Variants in PPP3CB observed in about 807,000 individuals in gnomAD.
PPP3CB encodes serine/threonine-protein phosphatase 2B catalytic subunit beta isoform.
A neutral mutation model predicts 66.4 loss-of-function variants in PPP3CB; 8 were observed. The observed-to-expected ratio is 0.12, with a 90% CI of 0.07 to 0.22. The LOEUF (loss-of-function observed/expected upper bound fraction) is 0.22, where lower values mean the gene tolerates loss of function less well. PPP3CB is among the 10% of genes least tolerant of loss of function. The probability of loss-of-function intolerance (pLI) is 1.00; values close to 1 mark genes in which losing one functional copy is unlikely to be tolerated. For synonymous variants in PPP3CB, 208 were observed against 221.2 expected, an observed-to-expected ratio of 0.94 and a Z score of 0.53; for missense variants, 319 against 642.5, an observed-to-expected ratio of 0.50 and a Z score of 5.44.
chr10:73,461,717 T>C (rs941197698), intron 9 of PPP3CB, among the ~76,000 whole-genome samples: 11 of 152,164 alleles, frequency 7.2e-5, no homozygotes, highest in African/African-American at 9.7e-5. Context: ...TGGGGAACCA[T>C]TGGCAGGAGA....
chr10:73,484,018 T>G (rs557873484), intron 1 of PPP3CB, among the ~76,000 whole-genome samples: 1 of 151,974 alleles, frequency 6.6e-6, no homozygotes, highest in East Asian at 2.0e-4. Flanking sequence ...GTGTCGCGCC[T>G]GTAGTCCCAG....
At chr10:73,441,226 C>T (rs1199305368) in intron 12 of PPP3CB, among the ~76,000 whole-genome samples, 2 of 152,178 alleles carry the variant, frequency 1.3e-5, no homozygotes, top group Non-Finnish European at 2.9e-5. Context: ...CTTAACCAGA[C>T]AGTAAAGTGA....
intron 1 of PPP3CB, among the ~76,000 whole-genome samples, chr10:73,485,360 TCTTA>T (rs2056954595): frequency 6.6e-6 from 1 of 152,148 alleles, no homozygotes; most frequent in Non-Finnish European, 1.5e-5. Flanking sequence ...ACAGAGATCT[TCTTA>T]CTGTTTCTAC....
At chr10:73,462,494 G>A (rs1202009574) in intron 9 of PPP3CB, among the ~76,000 whole-genome samples, 2 of 152,088 alleles carry the variant, frequency 1.3e-5, no homozygotes, top group African/African-American at 4.8e-5. Context: ...AAAATCTCCA[G>A]CAGCACTCTG....
At chr10:73,467,447 G>A in intron 9 of PPP3CB, 106 bp downstream of exon 9, 1 of 910,628 alleles carries the variant, frequency 1.1e-6, no homozygotes, top group Non-Finnish European at 1.5e-6. Context: ...TGTAACCACA[G>A]TGAAACTAGA....
intron 12 of PPP3CB, chr10:73,443,920 G>A (rs1013109048): frequency 3.3e-5 from 5 of 152,220 alleles, no homozygotes; most frequent in Non-Finnish European, 7.3e-5. Flanking sequence ...TTACATTCAT[G>A]TTCAGAATGC....
At chr10:73,488,046 G>T (rs551099536) in intron 1 of PPP3CB, among the ~76,000 whole-genome samples, 7 of 151,982 alleles carry the variant, frequency 4.6e-5, no homozygotes, top group African/African-American at 1.7e-4. Flanking sequence ...CTCCCAAAGT[G>T]CTGGGGTTAG....
intron 4 of PPP3CB, among the ~76,000 whole-genome samples, chr10:73,473,394 C>T (rs1453949026): frequency 2.0e-5 from 3 of 152,114 alleles, no homozygotes; most frequent in Non-Finnish European, 4.4e-5. Flanking sequence ...TGGTTCACAC[C>T]TGTAATCCCA....
chr10:73,459,243 C>A (rs777660232), intron 9 of PPP3CB, among the ~76,000 whole-genome samples: 7 of 152,156 alleles, frequency 4.6e-5, no homozygotes, highest in Non-Finnish European at 8.8e-5. Flanking sequence ...AATCCCAGCA[C>A]TTTGGGAGGC....
At chr10:73,446,756 C>T (rs1045454555) in intron 10 of PPP3CB, among the ~76,000 whole-genome samples, 183 bp from the exon 11 acceptor site, 2 of 152,112 alleles carry the variant, frequency 1.3e-5, no homozygotes, top group African/African-American at 4.8e-5. Flanking sequence ...TTTAGCTCAG[C>T]ATTGGTCTAA....
chr10:73,479,784 T>C (rs2132974758), intron 1 of PPP3CB, among the ~76,000 whole-genome samples: 1 of 152,320 alleles, frequency 6.6e-6, no homozygotes, highest in East Asian at 1.9e-4. Flanking sequence ...AACTTTTTTG[T>C]TTAAGCCAAA....
At chr10:73,449,276 CA>C (rs1198411143) in intron 10 of PPP3CB, among the ~76,000 whole-genome samples, 1 of 152,210 alleles carries the variant, frequency 6.6e-6, no homozygotes, top group Non-Finnish European at 1.5e-5. Context: ...AACAAGAGCA[CA>C]TGATTTCCTA....
Position 73,487,885 on chromosome 10 carries a change from T to C in PPP3CB, c.85+7920A>G, listed in dbSNP as rs560349625. Among the ~76,000 whole-genome samples the C allele has an allele frequency of 1.3e-4, 19 of 151,884 alleles. No individual in the cohort carries two copies. In the East Asian group the frequency reaches 3.5e-3, roughly 28 times the overall value. On this transcript the variant is annotated intron_variant, in intron 1 of 13. Coordinates refer to ENST00000360663, the MANE Select transcript of PPP3CB (RefSeq NM_021132.4). ...ACCCCTGCCTCCCAGGTTCAAGCGATTCTCCCTACCTCAGCCTCTCGAGTA... is the reference window on the plus strand; with the variant it reads ...ACCCCTGCCTCCCAGGTTCAAGCGACTCTCCCTACCTCAGCCTCTCGAGTA...
chr10:73,452,756 T>A (rs1292593518), intron 10 of PPP3CB, among the ~76,000 whole-genome samples: 2 of 152,046 alleles, frequency 1.3e-5, no homozygotes, highest in Non-Finnish European at 2.9e-5. Context: ...CACTAAAGTT[T>A]ACTATCCAAA....
Position 73,479,510 on chromosome 10 carries a change from A to C in PPP3CB, c.93T>G (p.Pro31=), listed in dbSNP as rs2056841449. The C allele has an allele frequency of 6.2e-7, 1 of 1,613,428 alleles. No individual in the cohort carries two copies. The highest frequency in any genetic ancestry group is 1.3e-5 in the African/African-American group (1 of 74,928). The stretch of plus-strand genomic sequence containing the variant: ...ATGTCAAGCGATGTGTTGGGGGGAA[A>C]GGGACAGCTGCAAATGTTTTTAATT... ...PGADRVVKAV[P]FPPTHRLTSE... The change falls in exon 2 of 14, where the codon CCT becomes CCG. Residue 31 remains proline (P), a synonymous_variant. Transcript: ENST00000360663.
At chr10:73,470,850 T>C in intron 7 of PPP3CB, 37 bp downstream of exon 7, 1 of 1,592,106 alleles carries the variant, frequency 6.3e-7, no homozygotes, top group East Asian at 2.2e-5. Flanking sequence ...ATTTATATTT[T>C]AGGTGTTAAT....
At chr10:73,474,727 A>G (rs1481668098) in intron 4 of PPP3CB, among the ~76,000 whole-genome samples, 192 bp downstream of exon 4, 1 of 152,118 alleles carries the variant, frequency 6.6e-6, no homozygotes, top group Non-Finnish European at 1.5e-5. Context: ...GGCGTGAACC[A>G]CCATGCCCCA....
In PPP3CB at chr10:73,471,448, G is replaced by C. The variant is rs768687607; in HGVS notation, c.669+20C>G. On this transcript the variant is annotated intron_variant, in intron 5 of 13. Coordinates refer to ENST00000360663, the MANE Select transcript of PPP3CB (RefSeq NM_021132.4). ...GTACTATAAATAGAAATCAATCTCG[G>C]AAGTAAAATATATACTTACTCTCCT... The C allele has an allele frequency of 6.3e-7, 1 of 1,578,112 alleles. No homozygotes were observed. Among genetic ancestry groups the C allele is most frequent in the East Asian group, 2.2e-5 (1 of 44,542 alleles).
At chr10:73,467,729 C>A in intron 8 of PPP3CB, 51 bp from the exon 9 acceptor site, 1 of 1,440,190 alleles carries the variant, frequency 6.9e-7, no homozygotes, top group East Asian at 2.5e-5. Context: ...AACTATTTGT[C>A]ATTAGCCTTA....
Sources: allele counts gnomAD v4.1 joint callset (sites outside exome capture counted in the v4.1 genomes callset), GRCh38; gene constraint gnomAD v4.1.1; transcripts MANE v1.5; gene names NCBI Gene and HGNC (gene_info 2026-07-23, HGNC 2026-07-21).